The following PCDH17 variants were observed in gnomAD, a reference collection of about 807,000 sequenced individuals.
PCDH17 encodes protocadherin 17.
Under a neutral mutation model 67.7 loss-of-function variants are expected in PCDH17, and 21 were observed. That is an observed-to-expected ratio of 0.31 (90% CI 0.22 to 0.45). The LOEUF is 0.45. Ranked by LOEUF, PCDH17 falls within the 20% of genes least tolerant of loss-of-function variation. PCDH17 has a pLI of 1.00. For missense variants in PCDH17, 1,471 were observed against 1,564.8 expected (o/e 0.94, Z 1.01); for synonymous variants, 701 against 656.7 (o/e 1.07, Z -1.03).
In PCDH17 at chr13:57,633,801, G is replaced by T. The variant is rs1374464770; in HGVS notation, c.1255G>T (p.Asp419Tyr). Residue 419 changes from aspartate (D) to tyrosine (Y), a missense_variant, in exon 1 of 4, where the codon GAC becomes TAC. Physicochemically the swap from Asp to Tyr is radical, Grantham distance 160. Transcript: ENST00000377918. This position sits in a 1 kb window ranked among gnomAD's most constrained non-coding sequence, Gnocchi z 6.2. Reference protein sequence around the residue: ...SVPFKLEENYDNFYTVVTDRP... With the variant: ...SVPFKLEENYYNFYTVVTDRP... ...CCCCTTCAAGCTTGAGGAGAACTAC[G>T]ACAACTTCTACACGGTGGTGACTGA... 6.2e-7 allele frequency: 1 copy of T among 1,609,480 alleles called. No individual in the cohort carries two copies. The highest frequency in any genetic ancestry group is 1.3e-5 in the African/African-American group (1 of 74,896).
In PCDH17 at chr13:57,633,659, C is replaced by T. The variant is rs1485140258; in HGVS notation, c.1113C>T (p.Ile371=). Residue 371 remains isoleucine, a synonymous_variant, in exon 1 of 4, where the codon ATC becomes ATT. Transcript: ENST00000377918. This position sits in a 1 kb window ranked among gnomAD's most constrained non-coding sequence, Gnocchi z 6.2. The stretch of plus-strand genomic sequence containing the variant: ...AGGCCGCCCCTCCCGGCACCGTCAT[C>T]GCCCTGGTGCGGGTCACTGACCGGG... ...LSEAAPPGTV[I]ALVRVTDRDS... is the part of the protein sequence containing the mutation. 4 of 1,606,698 alleles carry T rather than the reference C, an allele frequency of 2.5e-6. No individual in the cohort carries two copies. The highest frequency in any genetic ancestry group is 1.7e-5 in the Admixed American group (1 of 59,986).
chr13:57,723,886 A>G (rs1453465152), intron 3 of PCDH17, among the ~76,000 whole-genome samples: 3 of 152,234 alleles, frequency 2.0e-5, no homozygotes, highest in African/African-American at 7.2e-5. Flanking sequence ...ATGGGAAATC[A>G]TGATTTGTCA....
At position 57,634,563 on chromosome 13, in the gene PCDH17, C is replaced by T; in HGVS notation, c.2017C>T (p.Leu673=). The T allele has an allele frequency of 6.2e-7, 1 of 1,613,308 alleles. No individual in the cohort carries two copies. The highest frequency in any genetic ancestry group is 8.5e-7 in the Non-Finnish European group (1 of 1,180,004). The change falls in exon 1 of 4, where the codon CTG becomes TTG. Residue 673 remains leucine (L), a synonymous_variant. Transcript: ENST00000377918. The surrounding 1 kb of genome is among the most constrained non-coding windows in gnomAD (Gnocchi z 7.8). ...GGTGACCGACCACGGCAAGCCTACC[C>T]TGTCCGCAGTGGCCAAGCTCATCAT... ...VKVTDHGKPT[L]SAVAKLIIRS...
At chr13:57,644,655 G>A (rs1336809139) in intron 1 of PCDH17, among the ~76,000 whole-genome samples, 3 of 151,496 alleles carry the variant, frequency 2.0e-5, no homozygotes, top group African/African-American at 7.3e-5. Flanking sequence ...TCTGTTCCTC[G>A]TGCATTTTTA....
At chr13:57,715,404 G>A (rs1056017044) in intron 3 of PCDH17, among the ~76,000 whole-genome samples, 3 of 151,822 alleles carry the variant, frequency 2.0e-5, no homozygotes, top group Non-Finnish European at 4.4e-5. Flanking sequence ...TGTACATTGA[G>A]TGTGTCATAT....
rs576988442 is a variant in PCDH17 at position 57,691,192 on chromosome 13, T to A, written c.2797+24359T>A. On this transcript the variant is annotated intron_variant, in intron 3 of 3. Coordinates refer to ENST00000377918, the MANE Select transcript of PCDH17 (RefSeq NM_001040429.3). ...ATTATTCCAGCTAAAATTCTGTTAT[T>A]AAGTGAAAGAAATAGAAAATGAAGC... 5.3e-5 allele frequency among the ~76,000 whole-genome samples: 8 copies of A among 151,540 alleles called. No homozygotes were observed. In the South Asian group the frequency reaches 1.4e-3, roughly 27 times the overall value.
intron 3 of PCDH17, among the ~76,000 whole-genome samples, chr13:57,667,762 T>A (rs942204699): frequency 2.2e-5 from 1 of 44,458 alleles, no homozygotes; most frequent in Admixed American, 2.0e-4. Context: ...TAGGGCAGCC[T>A]GTTCTATTAT....
In PCDH17 at chr13:57,725,569, T is replaced by G; in HGVS notation, c.*275T>G. On this transcript the variant is annotated 3_prime_UTR_variant, in exon 4 of 4. Transcript: ENST00000377918. ...AAAAAGAGAGAAGAAAAAGGAGAGA[T>G]GAAAAAGGAGGATGAGGAGAAGAAT... The G allele has an allele frequency of 5.6e-6, 2 of 354,172 alleles. No individual in the cohort carries two copies. Among genetic ancestry groups the G allele is most frequent in the Non-Finnish European group, 1.0e-5 (2 of 195,760 alleles). The allele number at this position is 354,172 out of a possible 1,614,324, so 21.9% of individuals were successfully genotyped here.
intron 3 of PCDH17, among the ~76,000 whole-genome samples, chr13:57,720,131 G>A (rs542354530): frequency 6.6e-6 from 1 of 151,898 alleles, no homozygotes; most frequent in Non-Finnish European, 1.5e-5. Flanking sequence ...TTCATCTGAA[G>A]GTATATTTTG....
At chr13:57,644,858 G>A (rs983377969) in intron 1 of PCDH17, among the ~76,000 whole-genome samples, 6 of 151,650 alleles carry the variant, frequency 4.0e-5, no homozygotes, top group Non-Finnish European at 5.9e-5. Flanking sequence ...CGGTTGCCTG[G>A]TTAAGTTTGA....
chr13:57,641,205 T>C (rs904007178), intron 1 of PCDH17, among the ~76,000 whole-genome samples: 1 of 151,802 alleles, frequency 6.6e-6, no homozygotes, highest in African/African-American at 2.4e-5. Flanking sequence ...AATAATTTTC[T>C]TCAATGACAT....
At chr13:57,720,323 G>T (rs1315309968) in intron 3 of PCDH17, among the ~76,000 whole-genome samples, 1 of 151,998 alleles carries the variant, frequency 6.6e-6, no homozygotes, top group African/African-American at 2.4e-5. Context: ...GACAGTTAAA[G>T]TGTTGATCTA....
At chr13:57,631,536 TG>T (rs1208681753), upstream of PCDH17, among the ~76,000 whole-genome samples, 17 of 152,328 alleles carry the variant, frequency 1.1e-4, no homozygotes, top group Admixed American at 9.8e-4. Context: ...CGGAGGCTAC[TG>T]GCTTGGCGTA....
intron 3 of PCDH17, among the ~76,000 whole-genome samples, chr13:57,689,595 G>C (rs954828714): frequency 1.3e-5 from 2 of 151,978 alleles, no homozygotes; most frequent in African/African-American, 4.8e-5. Context: ...AATTTACATA[G>C]ACCTTTAAAA....
At chr13:57,702,624 TCAAA>T (rs1955677887) in intron 3 of PCDH17, among the ~76,000 whole-genome samples, 1 of 152,132 alleles carries the variant, frequency 6.6e-6, no homozygotes, top group African/African-American at 2.4e-5. Context: ...TCTCAACTCC[TCAAA>T]CAAAGCAGGC....
intron 3 of PCDH17, among the ~76,000 whole-genome samples, chr13:57,674,648 A>T (rs1955367568): frequency 6.6e-6 from 1 of 151,912 alleles, no homozygotes; most frequent in Admixed American, 6.6e-5. Flanking sequence ...TATTAAGAAA[A>T]ATCATGCACT....
chr13:57,657,442 C>T (rs1350253521), intron 1 of PCDH17, among the ~76,000 whole-genome samples: 1 of 152,142 alleles, frequency 6.6e-6, no homozygotes, highest in African/African-American at 2.4e-5. Flanking sequence ...TTTAAAAATT[C>T]CACAGCCATA....
chr13:57,692,947 C>G (rs1740504678), intron 3 of PCDH17, among the ~76,000 whole-genome samples: 1 of 150,884 alleles, frequency 6.6e-6, no homozygotes, highest in African/African-American at 2.4e-5. Flanking sequence ...ATGCCCATTT[C>G]TCTCACAAAT....
At chr13:57,698,722 A>G (rs560870787) in intron 3 of PCDH17, among the ~76,000 whole-genome samples, 20 of 151,998 alleles carry the variant, frequency 1.3e-4, no homozygotes, top group Non-Finnish European at 2.5e-4. Context: ...TAGAGATATA[A>G]TGATCCGAAA....
Sources: allele counts gnomAD v4.1 joint callset (sites outside exome capture counted in the v4.1 genomes callset), GRCh38; gene constraint gnomAD v4.1.1; non-coding constraint Gnocchi (gnomAD v3.1); transcripts MANE v1.5; gene names NCBI Gene and HGNC (gene_info 2026-07-23, HGNC 2026-07-21).